ARHGAP18: variants seen among roughly 807,000 people sequenced by gnomAD.
ARHGAP18 encodes the protein rho GTPase-activating protein 18.
A neutral mutation model predicts 86.2 loss-of-function variants in ARHGAP18; 67 were observed. The observed-to-expected ratio is 0.78, with a 90% CI of 0.64 to 0.95. The LOEUF is 0.95. ARHGAP18 is among the 40% of genes least tolerant of loss of function. The pLI is 0.00. For missense variants in ARHGAP18, 691 were observed against 780.4 expected, an observed-to-expected ratio of 0.89 and a Z score of 1.37; for synonymous variants, 283 against 280.4, an observed-to-expected ratio of 1.01 and a Z score of -0.09.
At chr6:129,707,267 G>A (rs1267482959) in intron 1 of ARHGAP18, among the ~76,000 whole-genome samples, 13 of 151,644 alleles carry the variant, frequency 8.6e-5, no homozygotes, top group African/African-American at 2.9e-4. Flanking sequence ...CAATAAATAC[G>A]CTAAGTCATA....
At chr6:129,648,611 A>T (rs1425257970) in intron 1 of ARHGAP18, among the ~76,000 whole-genome samples, 1 of 90,670 alleles carries the variant, frequency 1.1e-5, no homozygotes, top group Admixed American at 1.1e-4. Flanking sequence ...ATCTCTATTT[A>T]AAAAAAAAAA....
chr6:129,616,807 T>A (rs1003308885), intron 6 of ARHGAP18, among the ~76,000 whole-genome samples: 16 of 151,760 alleles, frequency 1.1e-4, no homozygotes, highest in Non-Finnish European at 5.9e-5. Context: ...TAAAAAAAAA[T>A]TAGGCAGGTA....
chr6:129,704,130 T>C (rs1038510540), intron 1 of ARHGAP18, among the ~76,000 whole-genome samples: 1 of 152,086 alleles, frequency 6.6e-6, no homozygotes, highest in Non-Finnish European at 1.5e-5. Flanking sequence ...TTAATGTTTA[T>C]CTCAAAAAGA....
intron 12 of ARHGAP18, among the ~76,000 whole-genome samples, chr6:129,586,865 C>T (rs184313748): frequency 4.1e-4 from 62 of 152,238 alleles, no homozygotes; most frequent in Admixed American, 2.4e-3. Context: ...TACTCCCCCT[C>T]CCAAATATCT....
At chr6:129,648,449 C>T (rs1406418986) in intron 1 of ARHGAP18, among the ~76,000 whole-genome samples, 1 of 151,588 alleles carries the variant, frequency 6.6e-6, no homozygotes, top group Non-Finnish European at 1.5e-5. Flanking sequence ...CAGGTGTAAG[C>T]CACTGTGCCT....
At chr6:129,676,915 C>CTTTTTTTTTTTTTTTTTTTTTTTTT (rs10688716) in intron 1 of ARHGAP18, among the ~76,000 whole-genome samples, 1 of 37,960 alleles carries the variant, frequency 2.6e-5, no homozygotes, top group African/African-American at 6.9e-5. Flanking sequence ...TTTTTGTCCT[C>CTTTTTTTTTTTTTTTTTTTTTTTTT]TTTTTTTTTT....
chr6:129,699,381 T>C (rs1169663601), intron 1 of ARHGAP18, among the ~76,000 whole-genome samples: 1 of 152,074 alleles, frequency 6.6e-6, no homozygotes, highest in Non-Finnish European at 1.5e-5. Flanking sequence ...AAGATAAAAC[T>C]AGAAGCAGAA....
At chr6:129,683,162 C>T (rs1295826175) in intron 1 of ARHGAP18, among the ~76,000 whole-genome samples, 3 of 151,760 alleles carry the variant, frequency 2.0e-5, no homozygotes, top group African/African-American at 4.8e-5. Context: ...AGCTCCACCT[C>T]CCAGGTTCAC....
chr6:129,613,517 A>G (rs1418153488), intron 7 of ARHGAP18, among the ~76,000 whole-genome samples: 1 of 152,222 alleles, frequency 6.6e-6, no homozygotes, highest in Non-Finnish European at 1.5e-5. Context: ...AGTTTTCAGC[A>G]ATATATGCCT....
intron 13 of ARHGAP18, among the ~76,000 whole-genome samples, chr6:129,583,544 T>A (rs1174072421): frequency 6.6e-6 from 1 of 152,242 alleles, no homozygotes; most frequent in Non-Finnish European, 1.5e-5. Context: ...GGTTTGTTTT[T>A]AAATTTGACC....
At chr6:129,601,335 A>G (rs1181417123) in intron 10 of ARHGAP18, among the ~76,000 whole-genome samples, 5 of 152,114 alleles carry the variant, frequency 3.3e-5, no homozygotes, top group Admixed American at 2.0e-4. Flanking sequence ...GGCACTGGGT[A>G]TGGTGGTGCA....
chr6:129,670,682 G>A (rs912902462), intron 1 of ARHGAP18, among the ~76,000 whole-genome samples: 2 of 137,374 alleles, frequency 1.5e-5, no homozygotes, highest in Middle Eastern at 3.6e-3. Flanking sequence ...ATGTGAAGTC[G>A]TAACTCTTTT....
intron 13 of ARHGAP18, among the ~76,000 whole-genome samples, chr6:129,580,587 A>C (rs746585937): frequency 3.3e-5 from 5 of 152,216 alleles, no homozygotes; most frequent in Non-Finnish European, 7.3e-5. Context: ...ATGCATGTGA[A>C]GAATAAGACA....
chr6:129,665,970 C>T (rs772280975), intron 1 of ARHGAP18, among the ~76,000 whole-genome samples: 1 of 152,020 alleles, frequency 6.6e-6, no homozygotes, highest in Non-Finnish European at 1.5e-5. Context: ...CAGAAATCAA[C>T]TCTGATATCT....
intron 1 of ARHGAP18, among the ~76,000 whole-genome samples, chr6:129,704,103 C>T (rs893868115): frequency 7.1e-6 from 1 of 140,812 alleles, no homozygotes; most frequent in East Asian, 2.1e-4. Context: ...ATCAAGACAG[C>T]CAGCCATGTT....
chr6:129,641,483 C>A (rs924213109), intron 2 of ARHGAP18, among the ~76,000 whole-genome samples: 3 of 152,102 alleles, frequency 2.0e-5, no homozygotes, highest in East Asian at 1.9e-4. Flanking sequence ...TCACTAGAGA[C>A]CAAATGACAA....
intron 7 of ARHGAP18, 34 bp downstream of exon 7, chr6:129,616,178 T>C (rs749588985): frequency 6.7e-7 from 1 of 1,494,860 alleles, no homozygotes; most frequent in Non-Finnish European, 9.1e-7. Flanking sequence ...CTTAAGTATG[T>C]TCTCTCTATG....
chr6:129,669,621 A>ATT (rs1219205756), intron 1 of ARHGAP18, among the ~76,000 whole-genome samples: 2 of 151,802 alleles, frequency 1.3e-5, no homozygotes, highest in Non-Finnish European at 2.9e-5. Context: ...CCCCGTCTCT[A>ATT]TTAAAAATAC....
intron 1 of ARHGAP18, among the ~76,000 whole-genome samples, chr6:129,665,443 A>G (rs6899523): frequency 0.52 from 79,045 of 151,854 alleles, 21,433 homozygotes; most frequent in African/African-American, 0.68. Context: ...ACAGCTACTC[A>G]GGAGGCTGAG....
Sources: gnomAD v4.1 joint callset for allele counts (sites outside exome capture counted in the v4.1 genomes callset) on GRCh38, gnomAD v4.1.1 for gene constraint, MANE v1.5 for transcripts, NCBI Gene and HGNC (gene_info 2026-07-23, HGNC 2026-07-21) for gene names.